DLGAP1: variants seen among roughly 807,000 people sequenced by gnomAD.
DLGAP1 encodes the protein DLG associated protein 1.
In DLGAP1, 11 loss-of-function variants were observed where a neutral mutation model predicts 90.8. The ratio of observed to expected loss-of-function variants is 0.12; its 90% CI spans 0.08 to 0.20. The LOEUF (loss-of-function observed/expected upper bound fraction) is 0.20. Ranked by LOEUF, DLGAP1 falls within the 10% of genes least tolerant of loss-of-function variation. DLGAP1 has a pLI of 1.00. For missense variants in DLGAP1, 1,050 were observed against 1,333.8 expected, an observed-to-expected ratio of 0.79 and a Z score of 3.31; for synonymous variants, 558 against 540.7, an observed-to-expected ratio of 1.03 and a Z score of -0.44.
intron 2 of DLGAP1, among the ~76,000 whole-genome samples, chr18:4,050,236 A>G (rs1205002638): frequency 6.6e-6 from 1 of 152,088 alleles, no homozygotes; most frequent in Non-Finnish European, 1.5e-5. Context: ...ACAGACTAGT[A>G]TTTTCAGTTC....
At chr18:3,713,931 CACTGT>C (rs1012118657) in intron 7 of DLGAP1, among the ~76,000 whole-genome samples, 19 of 152,244 alleles carry the variant, frequency 1.2e-4, no homozygotes, top group African/African-American at 3.9e-4. Flanking sequence ...CAAGTGGGGA[CACTGT>C]CAGGATTCCG....
chr18:3,773,224 C>T (rs747937820), intron 5 of DLGAP1, among the ~76,000 whole-genome samples: 21 of 151,974 alleles, frequency 1.4e-4, no homozygotes, highest in Non-Finnish European at 2.4e-4. Context: ...ACTCACTCAC[C>T]GATAACACAC....
At chr18:3,923,643 CTT>C (rs2072317207) in intron 3 of DLGAP1, among the ~76,000 whole-genome samples, 1 of 152,082 alleles carries the variant, frequency 6.6e-6, no homozygotes, top group Non-Finnish European at 1.5e-5. Context: ...AAAAACATCA[CTT>C]TAGTTTCCAT....
At chr18:3,905,994 C>G (rs908976635) in intron 3 of DLGAP1, among the ~76,000 whole-genome samples, 3 of 152,222 alleles carry the variant, frequency 2.0e-5, no homozygotes, top group Non-Finnish European at 2.9e-5. Flanking sequence ...TATGACTGTT[C>G]TGCAAAACAT....
At chr18:3,703,203 C>T (rs79106402) in intron 7 of DLGAP1, among the ~76,000 whole-genome samples, 23 of 152,272 alleles carry the variant, frequency 1.5e-4, no homozygotes, top group Admixed American at 3.3e-4. Flanking sequence ...GTCTCAGGAT[C>T]ACCGGATATA....
chr18:4,333,777 G>A lies in DLGAP1; in HGVS notation c.-267+121229C>T, dbSNP rs564557859. 2.1e-4 allele frequency among the ~76,000 whole-genome samples: 31 copies of A among 150,886 alleles called. No homozygotes were observed. In the South Asian group the frequency reaches 2.7e-3, roughly 13 times the overall value. On this transcript the variant is annotated intron_variant, in intron 1 of 12. Coordinates refer to ENST00000315677, the MANE Select transcript of DLGAP1 (RefSeq NM_004746.4). Reference sequence around the variant, plus strand: ...TGGAACTACAGGCGCCCACCACCACGCCCGGCTATTTTCAGGGTTTCACTG... The same window carrying A: ...TGGAACTACAGGCGCCCACCACCACACCCGGCTATTTTCAGGGTTTCACTG...
intron 1 of DLGAP1, among the ~76,000 whole-genome samples, chr18:4,191,416 T>C (rs1176671868): frequency 3.9e-5 from 6 of 152,194 alleles, no homozygotes; most frequent in African/African-American, 1.4e-4. Context: ...TCCTCTATAG[T>C]ACTTCCATAA....
chr18:3,690,094 G>GTTTTTTTTTTTTTTTTTTTTTTTTTT (rs77999372), intron 7 of DLGAP1, among the ~76,000 whole-genome samples: 1 of 116,878 alleles, frequency 8.6e-6, no homozygotes, highest in Non-Finnish European at 1.7e-5. Flanking sequence ...GCTGGGTGAG[G>GTTTTTTTTTTTTTTTTTTTTTTTTTT]TTTTTTTTTT....
chr18:3,578,283 A>G (rs929647778), intron 8 of DLGAP1, among the ~76,000 whole-genome samples: 3 of 152,116 alleles, frequency 2.0e-5, no homozygotes, highest in African/African-American at 4.8e-5. Flanking sequence ...CTAAGATTCT[A>G]GTGTGACATA....
intron 1 of DLGAP1, among the ~76,000 whole-genome samples, chr18:4,194,789 A>T (rs1200005128): frequency 6.6e-6 from 1 of 152,208 alleles, no homozygotes; most frequent in Non-Finnish European, 1.5e-5. Flanking sequence ...TTTAAAATAA[A>T]TATTTTTGAG....
rs1276352333 is a variant in DLGAP1 at position 4,084,548 on chromosome 18, G to A, written c.-159+66632C>T. On this transcript the variant is annotated intron_variant, in intron 2 of 12. Transcript: ENST00000315677. The surrounding 1 kb of genome is among the most constrained non-coding windows in gnomAD (Gnocchi z 4.0). The stretch of plus-strand genomic sequence containing the variant: ...GAAAGGTGTCCACCCTATACCCACA[G>A]GACAGGAGCATCGTTATCTCTAAGA... Among the ~76,000 whole-genome samples, 1 of 152,008 alleles carries A rather than the reference G, an allele frequency of 6.6e-6. No individual in the cohort carries two copies. The highest frequency in any genetic ancestry group is 1.9e-4 in the East Asian group (1 of 5,168).
chr18:3,726,435 C>T (rs908740667), intron 7 of DLGAP1, among the ~76,000 whole-genome samples: 2 of 147,732 alleles, frequency 1.4e-5, no homozygotes, highest in African/African-American at 5.0e-5. Context: ...GAAGGAAATG[C>T]GTGTGTGGGG....
chr18:3,610,858 G>T (rs946786486), intron 7 of DLGAP1, among the ~76,000 whole-genome samples: 7 of 149,270 alleles, frequency 4.7e-5, no homozygotes, highest in Non-Finnish European at 8.9e-5. Context: ...AAAAAAGATG[G>T]TATAAAAGTA....
intron 3 of DLGAP1, among the ~76,000 whole-genome samples, chr18:3,903,001 A>G (rs974002499): frequency 1.3e-5 from 2 of 152,154 alleles, no homozygotes; most frequent in African/African-American, 4.8e-5. Flanking sequence ...TCTGAGACCC[A>G]GAAGCACTTT....
At chr18:4,249,964 AT>A in intron 1 of DLGAP1, among the ~76,000 whole-genome samples, 1 of 152,182 alleles carries the variant, frequency 6.6e-6, no homozygotes, top group East Asian at 1.9e-4. Context: ...GTCCACAGTT[AT>A]GTCTGATAGC....
chr18:3,602,164 C>G (rs2057075859), intron 7 of DLGAP1, among the ~76,000 whole-genome samples: 1 of 152,060 alleles, frequency 6.6e-6, no homozygotes, highest in Non-Finnish European at 1.5e-5. Context: ...TCTGCAAGTA[C>G]TCTCACCCTT....
At chr18:4,060,638 AC>A (rs1171828338) in intron 2 of DLGAP1, among the ~76,000 whole-genome samples, 11 of 152,212 alleles carry the variant, frequency 7.2e-5, no homozygotes, top group African/African-American at 2.7e-4. Flanking sequence ...CAGAACTTGC[AC>A]AACAACTTGC....
intron 2 of DLGAP1, among the ~76,000 whole-genome samples, chr18:4,133,963 C>A: frequency 6.7e-6 from 1 of 149,394 alleles, no homozygotes; most frequent in African/African-American, 2.5e-5. Flanking sequence ...GAGGATGACC[C>A]AAAGATTTTG....
chr18:4,002,949 G>A (rs1027912164), intron 3 of DLGAP1, among the ~76,000 whole-genome samples: 1 of 152,122 alleles, frequency 6.6e-6, no homozygotes, highest in Admixed American at 6.6e-5. Context: ...CCACTATCTT[G>A]AGTGTTCTGG....
Sources: gnomAD v4.1 joint callset for allele counts (sites outside exome capture counted in the v4.1 genomes callset) on GRCh38, gnomAD v4.1.1 for gene constraint, Gnocchi (gnomAD v3.1) non-coding constraint, MANE v1.5 for transcripts, NCBI Gene and HGNC (gene_info 2026-07-23, HGNC 2026-07-21) for gene names.